Variants in CBFA2T3 observed in about 807,000 individuals in gnomAD.
CBFA2T3 encodes transcriptional corepressor CBFA2T3.
In CBFA2T3, 31 loss-of-function variants were observed where a neutral mutation model predicts 58.6. That is an observed-to-expected ratio of 0.53 (90% confidence interval 0.40 to 0.71). CBFA2T3 has a LOEUF of 0.71. CBFA2T3 is among the 30% of genes least tolerant of loss of function. The pLI is 0.00. For synonymous variants in CBFA2T3, 531 were observed against 421.9 expected (o/e 1.26, Z -3.17); for missense variants, 1,076 against 963.1 (o/e 1.12, Z -1.55).
intron 1 of CBFA2T3, chr16:88,951,278 C>T (rs1222370808): frequency 6.6e-6 from 3 of 456,618 alleles, no homozygotes; most frequent in Non-Finnish European, 1.3e-5. Flanking sequence ...GTTCACCCGT[C>T]CCCTGGACTG....
At chr16:88,939,842 C>T (rs1971646688) in intron 1 of CBFA2T3, 1 of 152,248 alleles carries the variant, frequency 6.6e-6, no homozygotes, top group African/African-American at 2.4e-5. Flanking sequence ...AGCCCTCGCC[C>T]CTTCAGGTCT....
intron 1 of CBFA2T3, among the ~76,000 whole-genome samples, chr16:88,975,311 T>C (rs1972827070): frequency 6.8e-6 from 1 of 146,672 alleles, no homozygotes; most frequent in Admixed American, 6.9e-5. Context: ...CGGGGCCACC[T>C]CTTGGCCCTA....
intron 3 of CBFA2T3, among the ~76,000 whole-genome samples, chr16:88,895,767 G>A (rs188019386): frequency 3.9e-5 from 6 of 152,312 alleles, no homozygotes; most frequent in Admixed American, 1.3e-4. Context: ...ACACACCAGC[G>A]TGGTGAGGAA....
chr16:88,913,247 C>T (rs1017775258), intron 1 of CBFA2T3, among the ~76,000 whole-genome samples: 1 of 152,246 alleles, frequency 6.6e-6, no homozygotes, highest in Admixed American at 6.5e-5. Flanking sequence ...ATGAGACACA[C>T]GCAGGACAGG....
rs750016567 is a variant in CBFA2T3 at position 88,901,529 on chromosome 16, G to T, written c.279C>A (p.Arg93=). 2.7e-6 allele frequency: 4 copies of T among 1,475,268 alleles called. No individual in the cohort carries two copies. In the East Asian group the frequency reaches 8.2e-5, roughly 30 times the overall value. The allele number at this position is 1,475,268 out of a possible 1,614,324, so 91.4% of individuals were successfully genotyped here. ...GTGTGTGTGGCGTGAAGGAGGGGGG[G>T]CGTGTGGCCCCCTGGGATGCGGCAG... is the stretch of plus-strand genomic sequence containing the variant. ...PPPAASQGAT[R]PPSFTPHTHR... Residue 93 remains arginine, a synonymous_variant, in exon 2 of 12, where the codon CGC becomes CGA. Transcript: ENST00000268679.
At chr16:88,893,891 G>A (rs1969754786) in intron 3 of CBFA2T3, among the ~76,000 whole-genome samples, 1 of 152,190 alleles carries the variant, frequency 6.6e-6, no homozygotes, top group Non-Finnish European at 1.5e-5. Flanking sequence ...CTGAGGGGCG[G>A]CCTCCAGGCT....
chr16:88,958,801 G>A lies in CBFA2T3; in HGVS notation c.151+17856C>T, dbSNP rs1179830671. ...TCTGCGCTGGCTCTGGGCTCTTCCC[G>A]CTGCAGGTGTGGGTCCCCCGTGGGC... On this transcript the variant is annotated intron_variant, in intron 1 of 11. Coordinates refer to ENST00000268679, the MANE Select transcript of CBFA2T3 (RefSeq NM_005187.6). The surrounding 1 kb of genome is among the most constrained non-coding windows in gnomAD (Gnocchi z 4.0). Among the ~76,000 whole-genome samples, 3 of 152,094 alleles carry A rather than the reference G, an allele frequency of 2.0e-5. No homozygotes were observed. Among genetic ancestry groups the A allele is most frequent in the African/African-American group, 7.2e-5 (3 of 41,416 alleles).
chr16:88,956,109 A>G (rs1367597013), intron 1 of CBFA2T3, among the ~76,000 whole-genome samples: 1 of 152,248 alleles, frequency 6.6e-6, no homozygotes, highest in Non-Finnish European at 1.5e-5. Flanking sequence ...GCTTTGGGAA[A>G]GACTCAAAGG....
chr16:88,922,370 G>A (rs1204576000), intron 1 of CBFA2T3, among the ~76,000 whole-genome samples: 2 of 152,268 alleles, frequency 1.3e-5, no homozygotes, highest in African/African-American at 4.8e-5. Context: ...GACTGCTGCT[G>A]CCTTAGCAGG....
intron 1 of CBFA2T3, among the ~76,000 whole-genome samples, chr16:88,942,971 G>A (rs1376231568): frequency 2.0e-5 from 3 of 152,146 alleles, no homozygotes; most frequent in Admixed American, 6.5e-5. Context: ...TGTTGCCTAA[G>A]GTTACCGATT....
In CBFA2T3 at chr16:88,881,441, TGAGC is replaced by T; in HGVS notation, c.1248_1251del (p.Leu417ArgfsTer50). The T allele has an allele frequency of 6.2e-7, 1 of 1,609,862 alleles. No homozygotes were observed. Among genetic ancestry groups the T allele is most frequent in the Non-Finnish European group, 8.5e-7 (1 of 1,178,548 alleles). ...GCCTCCTGGCACCTGCGCAGCACCG[TGAGC>T]GAGCGCCGCGTCTTCTCCACCATGT... On this transcript the variant is annotated frameshift_variant, in exon 9 of 12. Transcript: ENST00000268679. LOFTEE classifies it high-confidence loss of function.
At position 88,876,741 on chromosome 16, in the gene CBFA2T3, C is replaced by T; in HGVS notation, c.*235G>A. The T allele has an allele frequency of 6.5e-6, 3 of 462,918 alleles. No individual in the cohort carries two copies. The highest frequency in any genetic ancestry group is 1.1e-5 in the Non-Finnish European group (3 of 265,488). 28.7% of individuals were successfully genotyped at this position (462,918 alleles called of 1,614,324 possible). A position where few individuals can be genotyped will look rare whatever the true frequency, so the allele number is the denominator to read the frequency against. ...TTGAAGAGACGTTGTCAGGAGGTCT[C>T]CGCGCGGAATCATTAGGTAGCTGAG... On this transcript the variant is annotated 3_prime_UTR_variant, in exon 12 of 12. Coordinates refer to ENST00000268679, the MANE Select transcript of CBFA2T3 (RefSeq NM_005187.6).
chr16:88,918,170 G>A (rs938895264), intron 1 of CBFA2T3, among the ~76,000 whole-genome samples: 9 of 152,288 alleles, frequency 5.9e-5, no homozygotes, highest in Admixed American at 2.6e-4. Flanking sequence ...ACCCTGGGCC[G>A]GGGATGCCTG....
At chr16:88,970,542 G>A (rs946926923) in intron 1 of CBFA2T3, among the ~76,000 whole-genome samples, 8 of 152,338 alleles carry the variant, frequency 5.3e-5, no homozygotes, top group Admixed American at 3.9e-4. Flanking sequence ...TCTGAGGTCA[G>A]CGATGCCCTT....
intron 1 of CBFA2T3, among the ~76,000 whole-genome samples, chr16:88,948,880 G>C (rs1398779894): frequency 6.6e-6 from 1 of 152,202 alleles, no homozygotes; most frequent in Non-Finnish European, 1.5e-5. Flanking sequence ...CAAACAGTTG[G>C]AAATCGGAAG....
intron 1 of CBFA2T3, among the ~76,000 whole-genome samples, chr16:88,909,500 C>T (rs866092951): frequency 2.6e-5 from 4 of 151,980 alleles, no homozygotes; most frequent in East Asian, 1.9e-4. Flanking sequence ...GCAGCTGGGA[C>T]GGAGGACGCC....
Position 88,881,493 on chromosome 16 carries a change from G to C in CBFA2T3, c.1204-4C>G. ...TGTCCATGATGCAGTTCAGGAGCTG[G>C]GGGCGGGCGGCGCAGCCTTCAGCAC... On this transcript the variant is annotated splice_polypyrimidine_tract_variant and splice_region_variant and intron_variant, in intron 8 of 11. Coordinates refer to ENST00000268679, the MANE Select transcript of CBFA2T3 (RefSeq NM_005187.6). 2 of 1,598,636 alleles carry C rather than the reference G, an allele frequency of 1.3e-6. No individual in the cohort carries two copies. The highest frequency in any genetic ancestry group is 1.7e-6 in the Non-Finnish European group (2 of 1,170,226).
At chr16:88,879,230 G>C in intron 11 of CBFA2T3, 40 bp downstream of exon 11, 1 of 1,539,278 alleles carries the variant, frequency 6.5e-7, no homozygotes, top group Non-Finnish European at 8.8e-7. Context: ...CACGGGAGCC[G>C]AGGCAGGGGA....
intron 5 of CBFA2T3, among the ~76,000 whole-genome samples, chr16:88,888,334 C>T (rs1969465030): frequency 6.8e-6 from 1 of 147,598 alleles, no homozygotes; most frequent in Non-Finnish European, 1.5e-5. Context: ...CCAGCCCAGG[C>T]CACAGTCAGG....
Sources: allele counts gnomAD v4.1 joint callset (sites outside exome capture counted in the v4.1 genomes callset), GRCh38; gene constraint gnomAD v4.1.1; non-coding constraint Gnocchi (gnomAD v3.1); transcripts MANE v1.5; gene names NCBI Gene and HGNC (gene_info 2026-07-23, HGNC 2026-07-21).